Variants in SHISA6 observed in about 807,000 individuals in gnomAD.
SHISA6 encodes the protein shisa family member 6.
In SHISA6, 22 loss-of-function variants were observed where a neutral mutation model predicts 47.9. The ratio of observed to expected loss-of-function variants is 0.46; its 90% CI spans 0.33 to 0.66. The LOEUF is 0.66. SHISA6 is among the 30% of genes least tolerant of loss of function. The pLI, the probability that SHISA6 is intolerant of heterozygous loss-of-function variation, is 0.02. For missense variants in SHISA6, 680 were observed against 764.6 expected (o/e 0.89, Z 1.30); for synonymous variants, 388 against 337.8 (o/e 1.15, Z -1.63).
intron 1 of SHISA6, among the ~76,000 whole-genome samples, chr17:11,253,296 T>C (rs1348239113): frequency 1.5e-5 from 2 of 130,402 alleles, no homozygotes; most frequent in Non-Finnish European, 3.2e-5. Flanking sequence ...TTTATCCAAA[T>C]TGGACCTGGG....
chr17:11,344,248 A>G (rs1911624688), intron 2 of SHISA6, among the ~76,000 whole-genome samples: 1 of 152,208 alleles, frequency 6.6e-6, no homozygotes, highest in African/African-American at 2.4e-5. Context: ...TAGAATTTGT[A>G]AATATTTTCC....
chr17:11,328,926 A>G (rs1360117217), intron 2 of SHISA6, among the ~76,000 whole-genome samples: 1 of 152,188 alleles, frequency 6.6e-6, no homozygotes, highest in Non-Finnish European at 1.5e-5. Context: ...CAGAGGGTGC[A>G]TTGATGTAAA....
intron 3 of SHISA6, among the ~76,000 whole-genome samples, chr17:11,525,654 A>AAAAC (rs2071671508): frequency 2.9e-5 from 1 of 34,530 alleles, no homozygotes; most frequent in African/African-American, 1.2e-4. Flanking sequence ...AAAAAAAACA[A>AAAAC]AAAAAAAAAA....
At chr17:11,393,755 C>T (rs191981759) in intron 3 of SHISA6, among the ~76,000 whole-genome samples, 4 of 152,280 alleles carry the variant, frequency 2.6e-5, no homozygotes, top group East Asian at 1.9e-4. Context: ...AGAATCAAAG[C>T]AAACAAGGCT....
chr17:11,300,162 A>AAT (rs1321486173), intron 2 of SHISA6, among the ~76,000 whole-genome samples: 1 of 151,664 alleles, frequency 6.6e-6, no homozygotes, highest in Non-Finnish European at 1.5e-5. Flanking sequence ...AAAAAAAAAA[A>AAT]AAAGAAAAAC....
intron 3 of SHISA6, among the ~76,000 whole-genome samples, chr17:11,465,587 G>T (rs560535165): frequency 6.6e-6 from 1 of 152,194 alleles, no homozygotes; most frequent in African/African-American, 2.4e-5. Context: ...TCCCTTGTAG[G>T]ATATCCTAGC....
At chr17:11,552,943 C>T (rs1022477246) in intron 4 of SHISA6, among the ~76,000 whole-genome samples, 1 of 152,078 alleles carries the variant, frequency 6.6e-6, no homozygotes, top group African/African-American at 2.4e-5. Context: ...AAAGAAAGGA[C>T]GGTTGAGATA....
intron 3 of SHISA6, among the ~76,000 whole-genome samples, chr17:11,551,675 G>A (rs1354357151): frequency 1.3e-5 from 2 of 152,148 alleles, no homozygotes; most frequent in African/African-American, 2.4e-5. Flanking sequence ...CGAGATGTGG[G>A]TGGGTCACCA....
At chr17:11,482,163 T>G (rs1916238442) in intron 3 of SHISA6, among the ~76,000 whole-genome samples, 1 of 152,110 alleles carries the variant, frequency 6.6e-6, no homozygotes, top group Non-Finnish European at 1.5e-5. Flanking sequence ...GATACTTGAA[T>G]AGGTAGATAG....
intron 2 of SHISA6, among the ~76,000 whole-genome samples, chr17:11,334,598 G>A (rs1242986750): frequency 6.6e-6 from 1 of 152,178 alleles, no homozygotes; most frequent in East Asian, 1.9e-4. Context: ...CTGGAGTCCT[G>A]GCCACAATGG....
intron 2 of SHISA6, among the ~76,000 whole-genome samples, chr17:11,279,968 A>G (rs1909065794): frequency 6.6e-6 from 1 of 152,198 alleles, no homozygotes; most frequent in South Asian, 2.1e-4. Context: ...ATAAAGGTTT[A>G]GCTGAGGCTG....
chr17:11,488,120 TCCAAGGCCAG>T (rs1461742118), intron 3 of SHISA6, among the ~76,000 whole-genome samples: 1 of 152,114 alleles, frequency 6.6e-6, no homozygotes, highest in East Asian at 1.9e-4. Context: ...GATAGTTTTG[TCCAAGGCCAG>T]CCCTGTGAGC....
intron 2 of SHISA6, among the ~76,000 whole-genome samples, chr17:11,276,659 A>G (rs1908904908): frequency 6.6e-6 from 1 of 151,710 alleles, no homozygotes; most frequent in Non-Finnish European, 1.5e-5. Context: ...CCTCACCATG[A>G]CCATCACCAC....
intron 2 of SHISA6, among the ~76,000 whole-genome samples, chr17:11,330,696 C>T (rs542779905): frequency 9.2e-5 from 14 of 152,148 alleles, no homozygotes; most frequent in East Asian, 1.9e-4. Flanking sequence ...AAGATCCATG[C>T]GTGAAGCACC....
chr17:11,549,244 C>T (rs1208232321), intron 3 of SHISA6, among the ~76,000 whole-genome samples: 2 of 152,260 alleles, frequency 1.3e-5, no homozygotes, highest in Admixed American at 6.5e-5. Context: ...GGAAATACAA[C>T]AAAATGTCAC....
intron 3 of SHISA6, among the ~76,000 whole-genome samples, chr17:11,492,800 T>A (rs2071375554): frequency 6.6e-6 from 1 of 152,106 alleles, no homozygotes; most frequent in Non-Finnish European, 1.5e-5. Flanking sequence ...GCTCAAGAAG[T>A]CTTAGGGTTC....
chr17:11,326,194 C>G (rs2142200521), intron 2 of SHISA6, among the ~76,000 whole-genome samples: 1 of 151,918 alleles, frequency 6.6e-6, no homozygotes, highest in Non-Finnish European at 1.5e-5. Context: ...TCACTTGAAC[C>G]CAGGAGGTGG....
rs1247910410 is a variant in SHISA6, at chr17:11,562,449, T to C, written c.*4145T>C. On this transcript the variant is annotated 3_prime_UTR_variant, in exon 6 of 6. Transcript: ENST00000441885. Reference sequence around the variant, plus strand: ...GGAGTATTTTCAAGAAAGCGCATTGTGTTTTAATGAAGTATTTTTCAGGGT... The same window carrying C: ...GGAGTATTTTCAAGAAAGCGCATTGCGTTTTAATGAAGTATTTTTCAGGGT... The C allele has an allele frequency of 1.3e-5, 2 of 152,192 alleles. No homozygotes were observed. Among genetic ancestry groups the C allele is most frequent in the Non-Finnish European group, 2.9e-5 (2 of 68,036 alleles). 9.4% of individuals were successfully genotyped at this position (152,192 alleles called of 1,614,324 possible).
At chr17:11,443,903 G>A (rs1915161031) in intron 3 of SHISA6, among the ~76,000 whole-genome samples, 1 of 152,156 alleles carries the variant, frequency 6.6e-6, no homozygotes, top group African/African-American at 2.4e-5. Context: ...GATGTCTCTG[G>A]TCAGAGCTGG....
Sources: allele counts gnomAD v4.1 joint callset (sites outside exome capture counted in the v4.1 genomes callset), GRCh38; gene constraint gnomAD v4.1.1; transcripts MANE v1.5; gene names NCBI Gene and HGNC (gene_info 2026-07-23, HGNC 2026-07-21).